The following HERPUD2 variants were observed in gnomAD, a reference collection of about 807,000 sequenced individuals.
HERPUD2 encodes the protein homocysteine-responsive endoplasmic reticulum-resident ubiquitin-like domain member 2 protein.
Under a neutral mutation model 49.9 loss-of-function variants are expected in HERPUD2, and 13 were observed. That is an observed-to-expected ratio of 0.26 (90% CI 0.17 to 0.41). The LOEUF (loss-of-function observed/expected upper bound fraction) is 0.41. Ranked by LOEUF, HERPUD2 falls within the 10% of genes least tolerant of loss-of-function variation. The pLI is 1.00. For missense variants in HERPUD2, 449 were observed against 492.2 expected (o/e 0.91, Z 0.83); for synonymous variants, 172 against 171.4 (o/e 1.00, Z -0.03).
chr7:35,658,301 G>C (rs534652554), intron 5 of HERPUD2, among the ~76,000 whole-genome samples: 1 of 152,296 alleles, frequency 6.6e-6, no homozygotes, highest in South Asian at 2.1e-4. Context: ...GTAGAGAGTA[G>C]ATTGATAGAC....
chr7:35,661,771 T>G (rs545955252), intron 5 of HERPUD2, among the ~76,000 whole-genome samples: 11 of 152,354 alleles, frequency 7.2e-5, no homozygotes, highest in South Asian at 2.1e-4. Flanking sequence ...AAGGAGATTT[T>G]GGGCTGAGAT....
intron 5 of HERPUD2, among the ~76,000 whole-genome samples, chr7:35,662,758 G>A (rs1050275427): frequency 5.3e-5 from 8 of 151,658 alleles, no homozygotes; most frequent in African/African-American, 1.7e-4. Context: ...GATTCTTCTC[G>A]CTTTTGTTCT....
chr7:35,636,293 A>C (rs1201942575), intron 6 of HERPUD2, among the ~76,000 whole-genome samples: 1 of 152,242 alleles, frequency 6.6e-6, no homozygotes, highest in Non-Finnish European at 1.5e-5. Context: ...TTAATAATCA[A>C]GAGAGCACAA....
At chr7:35,660,732 T>G (rs1397770388) in intron 5 of HERPUD2, among the ~76,000 whole-genome samples, 1 of 152,210 alleles carries the variant, frequency 6.6e-6, no homozygotes, top group African/African-American at 2.4e-5. Flanking sequence ...GTTGTTGGAT[T>G]TTTTCTTGTA....
intron 5 of HERPUD2, among the ~76,000 whole-genome samples, chr7:35,662,168 G>C (rs1302889936): frequency 1.3e-5 from 2 of 152,176 alleles, no homozygotes; most frequent in Non-Finnish European, 2.9e-5. Context: ...TTATAGGATG[G>C]ATTATGTTTA....
chr7:35,675,269 A>G (rs1346210772), intron 2 of HERPUD2, among the ~76,000 whole-genome samples: 9 of 152,338 alleles, frequency 5.9e-5, no homozygotes, highest in Admixed American at 2.6e-4. Context: ...AGCATTCTGT[A>G]TTGCGTGTTG....
chr7:35,682,358 TATA>T, intron 2 of HERPUD2, among the ~76,000 whole-genome samples: 1 of 5,270 alleles, frequency 1.9e-4, no homozygotes, highest in South Asian at 7.6e-3. Context: ...TGTGTGTGTG[TATA>T]TATATATATA....
At chr7:35,680,647 C>T (rs759721001) in intron 2 of HERPUD2, among the ~76,000 whole-genome samples, 13 of 152,178 alleles carry the variant, frequency 8.5e-5, no homozygotes, top group Non-Finnish European at 1.6e-4. Flanking sequence ...GCTGTATTCT[C>T]CCCCAGCTCT....
rs1463616364 is a variant in HERPUD2 at position 35,673,242 on chromosome 7, G to A, written c.184C>T (p.Leu62=). 6.2e-7 allele frequency: 1 copy of A among 1,612,006 alleles called. No individual in the cohort carries two copies. The highest frequency in any genetic ancestry group is 8.5e-7 in the Non-Finnish European group (1 of 1,179,006). Reference sequence around the variant, plus strand: ...TTCAGCTGCAGATGATCGGGAAGCAGTCTGCCCGAATACACCAATCTCTGA... The same window carrying A: ...TTCAGCTGCAGATGATCGGGAAGCAATCTGCCCGAATACACCAATCTCTGA... ...KDQRLVYSGR[L]LPDHLQLKDI... Residue 62 remains leucine (L), a synonymous_variant, in exon 3 of 9, where the codon CTG becomes TTG. Transcript: ENST00000311350.
At chr7:35,657,948 C>T (rs1583551120) in intron 5 of HERPUD2, among the ~76,000 whole-genome samples, 2 of 151,440 alleles carry the variant, frequency 1.3e-5, no homozygotes. Flanking sequence ...AAAACCACTA[C>T]ACATAAAACT....
intron 2 of HERPUD2, among the ~76,000 whole-genome samples, chr7:35,684,548 C>A (rs776497948): frequency 1.3e-5 from 2 of 151,818 alleles, no homozygotes; most frequent in African/African-American, 2.4e-5. Flanking sequence ...ACATATGTGA[C>A]GGACTACTAC....
At position 35,644,736 on chromosome 7, in the gene HERPUD2, T is replaced by C. The variant is rs1303354740; in HGVS notation, c.495-6264A>G. 2.0e-5 allele frequency among the ~76,000 whole-genome samples: 3 copies of C among 152,178 alleles called. No homozygotes were observed. The East Asian group carries it at 5.8e-4, about 29-fold the overall frequency. ...GAGCCAAGATCGCACCACTGCACTC[T>C]AGCCTGGGGGAAACAGTGAGGCTCT... On this transcript the variant is annotated intron_variant, in intron 5 of 8. Coordinates refer to ENST00000311350, the MANE Select transcript of HERPUD2 (RefSeq NM_022373.5).
intron 5 of HERPUD2, among the ~76,000 whole-genome samples, chr7:35,657,498 T>C (rs10275291): frequency 0.31 from 47,308 of 150,448 alleles, 8,120 homozygotes; most frequent in Non-Finnish European, 0.38. Flanking sequence ...AGCTCATACG[T>C]GTAATTCCAG....
At chr7:35,690,019 G>A (rs895157004) in intron 2 of HERPUD2, among the ~76,000 whole-genome samples, 4 of 152,232 alleles carry the variant, frequency 2.6e-5, no homozygotes, top group South Asian at 4.1e-4. Flanking sequence ...ATTATCAACC[G>A]TTTTGGTATT....
chr7:35,680,295 G>C lies in HERPUD2; in HGVS notation c.148-7017C>G, dbSNP rs561427828. Among the ~76,000 whole-genome samples, 5 of 152,072 alleles carry C rather than the reference G, an allele frequency of 3.3e-5. No homozygotes were observed. In the South Asian group the frequency reaches 1.0e-3, roughly 32 times the overall value. ...GTGGTAGGGCATGCTTGTAGTTCCAGCTGCTTGGGAGGCTGAGGTGAGAGG... is the reference window on the plus strand; with the variant it reads ...GTGGTAGGGCATGCTTGTAGTTCCACCTGCTTGGGAGGCTGAGGTGAGAGG... On this transcript the variant is annotated intron_variant, in intron 2 of 8. Coordinates refer to ENST00000311350, the MANE Select transcript of HERPUD2 (RefSeq NM_022373.5).
intron 2 of HERPUD2, among the ~76,000 whole-genome samples, chr7:35,681,627 T>C (rs892580469): frequency 1.2e-4 from 18 of 152,104 alleles, no homozygotes; most frequent in Admixed American, 1.3e-4. Flanking sequence ...TATAAATATA[T>C]GCACACACGG....
chr7:35,670,649 C>T (rs1047214168), intron 3 of HERPUD2, among the ~76,000 whole-genome samples: 10 of 152,032 alleles, frequency 6.6e-5, no homozygotes, highest in Admixed American at 5.2e-4. Flanking sequence ...AGCATGAAAA[C>T]ATCTAGCACC....
chr7:35,670,465 T>C (rs1785621478), intron 3 of HERPUD2, 137 bp from the exon 4 acceptor site: 1 of 401,182 alleles, frequency 2.5e-6, no homozygotes, highest in Non-Finnish European at 4.4e-6. Flanking sequence ...ATTGTTATCA[T>C]TTGAAGGTAA....
intron 5 of HERPUD2, among the ~76,000 whole-genome samples, chr7:35,657,933 A>T (rs1179034880): frequency 2.0e-5 from 3 of 151,762 alleles, no homozygotes; most frequent in Non-Finnish European, 4.4e-5. Context: ...AAAAAAAAAA[A>T]GAAAAAAACC....
Sources: allele counts gnomAD v4.1 joint callset (sites outside exome capture counted in the v4.1 genomes callset), GRCh38; gene constraint gnomAD v4.1.1; transcripts MANE v1.5; gene names NCBI Gene and HGNC (gene_info 2026-07-23, HGNC 2026-07-21).